The following RPL6 variants were observed in gnomAD, a reference collection of about 807,000 sequenced individuals.
The protein encoded by RPL6 is large ribosomal subunit protein eL6.
A neutral mutation model predicts 32.1 loss-of-function variants in RPL6; 1 was observed. The observed-to-expected ratio is 0.03, with a 90% confidence interval of 0.01 to 0.15. The LOEUF (loss-of-function observed/expected upper bound fraction) is 0.15. Among genes scored for constraint, RPL6 ranks in the 10% least tolerant of loss-of-function variants. RPL6 has a pLI of 1.00. For synonymous variants in RPL6, 126 were observed against 131.6 expected (o/e 0.96, Z 0.29); for missense variants, 275 against 354.6 (o/e 0.78, Z 1.80).
chr12:112,414,417 G>A (rs2037377455), upstream of RPL6, among the ~76,000 whole-genome samples: 1 of 152,216 alleles, frequency 6.6e-6, no homozygotes, highest in Admixed American at 6.5e-5. Context: ...TGCACTCAAA[G>A]AGCTAATAGT....
intron 1 of RPL6, among the ~76,000 whole-genome samples, chr12:112,417,867 G>A (rs890913245): frequency 2.7e-5 from 4 of 149,784 alleles, no homozygotes; most frequent in African/African-American, 7.4e-5. Context: ...TATTTTGCCC[G>A]GGCTGGTTCC....
chr12:112,414,229 A>G (rs368132523), upstream of RPL6, among the ~76,000 whole-genome samples: 203 of 152,368 alleles, frequency 1.3e-3, no homozygotes, highest in African/African-American at 4.7e-3. Flanking sequence ...GGCACAGGCC[A>G]TATCTAGAAC....
upstream of RPL6, chr12:112,409,748 C>G: frequency 3.0e-6 from 1 of 329,694 alleles, no homozygotes; most frequent in Non-Finnish European, 5.5e-6. Context: ...CGGTGGCTCA[C>G]GCCTGTAATC....
upstream of RPL6, chr12:112,409,612 G>A (rs533278397): frequency 5.0e-6 from 2 of 398,138 alleles, no homozygotes; most frequent in South Asian, 1.3e-4. Flanking sequence ...AGAGAATTAA[G>A]GTCCCGGCTT....
intron 1 of RPL6, among the ~76,000 whole-genome samples, chr12:112,416,333 G>A (rs2037409808): frequency 1.3e-5 from 2 of 152,090 alleles, no homozygotes; most frequent in African/African-American, 2.4e-5. Context: ...TAGAGATGGG[G>A]TTTCACTGTG....
rs1194611555 is a variant in RPL6 at position 112,408,618 on chromosome 12, C to T, written c.39G>A (p.Glu13=). The change falls in exon 2 of 7, where the codon GAG becomes GAA. Residue 13 remains glutamate, a synonymous_variant. Transcript: ENST00000202773. ...GEKVEKPDTK[E]KKPEAKKVDA... ...CAACCTTCTTGGCTTCGGGTTTCTT[C>T]TCTTTAGTATCTGGCTTCTCAACTT... 6.3e-7 allele frequency: 1 copy of T among 1,580,022 alleles called. No individual in the cohort carries two copies. The highest frequency in any genetic ancestry group is 8.5e-7 in the Non-Finnish European group (1 of 1,172,438).
At position 112,405,848 on chromosome 12, in the gene RPL6, C is replaced by T. The variant is rs374591627; in HGVS notation, c.714+5G>A. The T allele has an allele frequency of 3.1e-6, 5 of 1,608,580 alleles. No homozygotes were observed. In the African/African-American group the frequency reaches 6.7e-5, roughly 22 times the overall value. On this transcript the variant is annotated splice_donor_5th_base_variant and intron_variant, in intron 6 of 6. Transcript: ENST00000202773. ...TAACACAGGAGATGACAAGTAGAAA[C>T]TTACCTCTTTTTCTGTGTCGAAGAT...
intron 5 of RPL6, 86 bp from the exon 6 acceptor site, chr12:112,406,123 A>G: frequency 7.5e-7 from 1 of 1,327,514 alleles, no homozygotes; most frequent in Non-Finnish European, 1.1e-6. Context: ...TTATGTTGCT[A>G]CACAAAGAAG....
In RPL6 at chr12:112,408,633, C is replaced by T; in HGVS notation, c.24G>A (p.Lys8=). 1 of 1,562,982 alleles carries T rather than the reference C, an allele frequency of 6.4e-7. No homozygotes were observed. The highest frequency in any genetic ancestry group is 1.4e-5 in the African/African-American group (1 of 72,520). MAGEKVE[K]PDTKEKKPEA... The stretch of plus-strand genomic sequence containing the variant: ...CGGGTTTCTTCTCTTTAGTATCTGG[C>T]TTCTCAACTTTTTCACCCGCCATCT... Residue 8 remains lysine, a synonymous_variant, in exon 2 of 7, where the codon AAG becomes AAA. Coordinates refer to ENST00000202773, the MANE Select transcript of RPL6 (RefSeq NM_000970.6).
At chr12:112,412,966 A>G (rs2037358874), upstream of RPL6, among the ~76,000 whole-genome samples, 1 of 151,730 alleles carries the variant, frequency 6.6e-6, no homozygotes, top group African/African-American at 2.4e-5. Flanking sequence ...AAATAGAAAA[A>G]TATCTTTATA....
In RPL6 at chr12:112,408,374, G is replaced by A. The variant is rs374575825; in HGVS notation, c.238-36C>T. The A allele has an allele frequency of 3.1e-6, 5 of 1,612,832 alleles. No homozygotes were observed. The African/African-American group carries it at 6.7e-5, about 22-fold the overall frequency. The stretch of plus-strand genomic sequence containing the variant: ...ACAAATGCATCAACAGTAAGAGAAT[G>A]CCAATTAAGGTTAAGACATAATGGT... On this transcript the variant is annotated intron_variant, in intron 2 of 6. Coordinates refer to ENST00000202773, the MANE Select transcript of RPL6 (RefSeq NM_000970.6).
Position 112,405,200 on chromosome 12 carries a change from T to A in RPL6, c.*24A>T. 1 of 1,550,704 alleles carries A rather than the reference T, an allele frequency of 6.4e-7. No individual in the cohort carries two copies. The highest frequency in any genetic ancestry group is 8.7e-7 in the Non-Finnish European group (1 of 1,153,416). On this transcript the variant is annotated 3_prime_UTR_variant, in exon 7 of 7. Transcript: ENST00000202773. ...AAAAGAGACACAAAATGTAGTCAGCTATTTAATTAGGTTCTTAAGACATTT... is the reference window on the plus strand; with the variant it reads ...AAAAGAGACACAAAATGTAGTCAGCAATTTAATTAGGTTCTTAAGACATTT...
rs150735821 is a variant in RPL6, at chr12:112,405,964, G to A, written c.603C>T (p.Ile201=). 308 of 1,613,998 alleles carry A rather than the reference G, an allele frequency of 1.9e-4. No individual in the cohort carries two copies. The African/African-American group carries it at 3.6e-3, about 19-fold the overall frequency. The change falls in exon 6 of 7, where the codon ATC becomes ATT. Residue 201 remains isoleucine, a synonymous_variant. Coordinates refer to ENST00000202773, the MANE Select transcript of RPL6 (RefSeq NM_000970.6). ...QKFVIATSTK[I]DISNVKIPKH... Reference sequence around the variant, plus strand: ...TTGGGATTTTTACATTGCTGATATCGATTTTGGTTGAAGTGGCAATGACAA... The same window carrying A: ...TTGGGATTTTTACATTGCTGATATCAATTTTGGTTGAAGTGGCAATGACAA...
At chr12:112,406,237 T>G (rs373009566) in intron 5 of RPL6, 57 bp downstream of exon 5, 84 of 1,483,284 alleles carry the variant, frequency 5.7e-5, no homozygotes, top group Admixed American at 1.0e-4. Context: ...ACGTGTATAC[T>G]GCAAGCATTT....
intron 1 of RPL6, 63 bp from the exon 2 acceptor site, chr12:112,408,719 TAATGAAC>T: frequency 7.1e-7 from 1 of 1,401,518 alleles, no homozygotes; most frequent in Non-Finnish European, 9.6e-7. Flanking sequence ...AACAAGACAA[TAATGAAC>T]CTGTACATGA....
intron 2 of RPL6, 40 bp downstream of exon 2, chr12:112,408,380 T>G: frequency 3.1e-6 from 5 of 1,613,394 alleles, no homozygotes; most frequent in Non-Finnish European, 4.2e-6. Context: ...GAATGCCAAT[T>G]AAGGTTAAGA....
At chr12:112,408,757 T>C in intron 1 of RPL6, 101 bp from the exon 2 acceptor site, 1 of 975,082 alleles carries the variant, frequency 1.0e-6, no homozygotes, top group Non-Finnish European at 1.5e-6. Flanking sequence ...CTCCCCAGAC[T>C]ACAATCCCTC....
At chr12:112,409,643 G>T, upstream of RPL6, 1 of 396,722 alleles carries the variant, frequency 2.5e-6, no homozygotes, top group South Asian at 1.4e-4. Flanking sequence ...AGCAATCATG[G>T]GAAGTGCGAG....
intron 3 of RPL6, 111 bp from the exon 4 acceptor site, chr12:112,407,001 T>G (rs2037191667): frequency 2.0e-5 from 20 of 993,644 alleles, no homozygotes; most frequent in Non-Finnish European, 2.8e-5. Context: ...AGTATAATAC[T>G]GTATTTATAT....
Sources: allele counts gnomAD v4.1 joint callset (sites outside exome capture counted in the v4.1 genomes callset), GRCh38; gene constraint gnomAD v4.1.1; transcripts MANE v1.5; gene names NCBI Gene and HGNC (gene_info 2026-07-23, HGNC 2026-07-21).